The following KAZN variants were observed in gnomAD, a reference collection of about 807,000 sequenced individuals.
KAZN encodes kazrin, periplakin interacting protein, also known as kazrin.
A neutral mutation model predicts 87.4 loss-of-function variants in KAZN; 40 were observed. The ratio of observed to expected loss-of-function variants is 0.46; its 90% CI spans 0.36 to 0.60. KAZN has a LOEUF of 0.60. Among genes scored for constraint, KAZN ranks in the 20% least tolerant of loss-of-function variants. The pLI, the probability that KAZN is intolerant of heterozygous loss-of-function variation, is 0.00. For synonymous variants in KAZN, 466 were observed against 458.3 expected (o/e 1.02, Z -0.22); for missense variants, 898 against 1,073.9 (o/e 0.84, Z 2.29).
chr1:14,633,251 T>C (rs1406172535), intron 1 of KAZN, among the ~76,000 whole-genome samples: 1 of 152,162 alleles, frequency 6.6e-6, no homozygotes, highest in African/African-American at 2.4e-5. Flanking sequence ...CTTCTGGTTA[T>C]TAGATACTGG....
intron 12 of KAZN, among the ~76,000 whole-genome samples, chr1:15,103,742 G>A (rs113645962): frequency 1.3e-5 from 2 of 152,146 alleles, no homozygotes; most frequent in Non-Finnish European, 2.9e-5. Context: ...GGGGTAGAGA[G>A]GCTGAGCCAG....
intron 1 of KAZN, among the ~76,000 whole-genome samples, chr1:14,657,219 G>A (rs897509357): frequency 6.6e-6 from 1 of 151,990 alleles, no homozygotes; most frequent in Non-Finnish European, 1.5e-5. Context: ...GAGTAGCTGG[G>A]ATTACAGACA....
At chr1:14,943,446 C>G (rs1661382843) in intron 1 of KAZN, among the ~76,000 whole-genome samples, 1 of 152,192 alleles carries the variant, frequency 6.6e-6, no homozygotes, top group Non-Finnish European at 1.5e-5. Context: ...CCAGAAGTCT[C>G]TGGGGACCCA....
At chr1:14,782,087 A>C (rs72636664) in intron 1 of KAZN, among the ~76,000 whole-genome samples, 11,273 of 152,212 alleles carry the variant, frequency 0.074, 521 homozygotes, top group African/African-American at 0.12. Context: ...TCTGGCACAT[A>C]TAAAGAATGC....
At chr1:14,467,296 A>C (rs1668211592) in intron 2 of KAZN, among the ~76,000 whole-genome samples, 1 of 151,762 alleles carries the variant, frequency 6.6e-6, no homozygotes, top group African/African-American at 2.4e-5. Flanking sequence ...TGCAATCCCC[A>C]GGGCAACCAC....
At chr1:15,080,808 G>A (rs1016315644) in intron 8 of KAZN, among the ~76,000 whole-genome samples, 8 of 152,196 alleles carry the variant, frequency 5.3e-5, no homozygotes, top group African/African-American at 1.4e-4. Context: ...CAGAGGCCCC[G>A]GGGTAGAAGG....
intron 1 of KAZN, among the ~76,000 whole-genome samples, chr1:14,701,879 C>T (rs778030532): frequency 6.6e-6 from 1 of 152,206 alleles, no homozygotes; most frequent in Non-Finnish European, 1.5e-5. Flanking sequence ...TCCTTACGCA[C>T]TTCCCCTCCA....
chr1:14,871,020 C>A (rs1572695289), intron 1 of KAZN, among the ~76,000 whole-genome samples: 1 of 152,244 alleles, frequency 6.6e-6, no homozygotes, highest in East Asian at 1.9e-4. Context: ...CCTCCATGGT[C>A]TCAGCTCACC....
At chr1:15,046,349 G>A (rs1248724023) in intron 4 of KAZN, among the ~76,000 whole-genome samples, 1 of 151,360 alleles carries the variant, frequency 6.6e-6, no homozygotes, top group Non-Finnish European at 1.5e-5. Flanking sequence ...TATTAATTAA[G>A]TGGAAGAAGA....
intron 3 of KAZN, among the ~76,000 whole-genome samples, chr1:15,040,183 G>C (rs1672746796): frequency 6.6e-6 from 1 of 152,210 alleles, no homozygotes; most frequent in South Asian, 2.1e-4. Flanking sequence ...ACAAGTCCTG[G>C]TTTTATTTCA....
At chr1:14,969,040 C>T (rs376647536) in intron 2 of KAZN, among the ~76,000 whole-genome samples, 28 of 152,288 alleles carry the variant, frequency 1.8e-4, no homozygotes, top group East Asian at 1.7e-3. Context: ...TTAAGTCCAG[C>T]GGGGTCGGTG....
chr1:13,958,134 A>G (rs1570386658), intron 1 of KAZN, among the ~76,000 whole-genome samples: 2 of 152,246 alleles, frequency 1.3e-5, no homozygotes, highest in African/African-American at 4.8e-5. Context: ...AACAGGGAAC[A>G]CCAAAACCAT....
intron 1 of KAZN, among the ~76,000 whole-genome samples, chr1:14,698,932 G>T (rs1257999402): frequency 6.6e-6 from 1 of 152,240 alleles, no homozygotes; most frequent in African/African-American, 2.4e-5. Context: ...GCTCCTGGGA[G>T]AGCTATCTTC....
chr1:14,949,908 G>A lies in KAZN; in HGVS notation c.227-10776G>A, dbSNP rs1206632067. On this transcript the variant is annotated intron_variant, in intron 1 of 14. Transcript: ENST00000376030. This position sits in a 1 kb window ranked among gnomAD's most constrained non-coding sequence, Gnocchi z 4.3. Reference sequence around the variant, plus strand: ...GCAGCAAGATGGTAGAAGAGGATCCGCTTGGCACTCAGGGCACCGAGGAGG... The same window carrying A: ...GCAGCAAGATGGTAGAAGAGGATCCACTTGGCACTCAGGGCACCGAGGAGG... 1.3e-5 allele frequency among the ~76,000 whole-genome samples: 2 copies of A among 152,068 alleles called. No homozygotes were observed. The highest frequency in any genetic ancestry group is 2.4e-5 in the African/African-American group (1 of 41,390).
chr1:14,896,300 G>T (rs1655270484), intron 1 of KAZN, among the ~76,000 whole-genome samples: 1 of 152,148 alleles, frequency 6.6e-6, no homozygotes. Context: ...TGATCCGCCT[G>T]CCTCGGCCTC....
chr1:14,013,166 T>G (rs1640398131), intron 1 of KAZN, among the ~76,000 whole-genome samples: 2 of 152,240 alleles, frequency 1.3e-5, no homozygotes, highest in South Asian at 2.1e-4. Flanking sequence ...GATGTGGTTT[T>G]CAGACTCCTC....
intron 4 of KAZN, among the ~76,000 whole-genome samples, chr1:15,048,902 G>A (rs1422534362): frequency 1.3e-5 from 2 of 150,550 alleles, no homozygotes; most frequent in Non-Finnish European, 2.9e-5. Context: ...TTGGTCCTGG[G>A]TCGTTGGTCA....
Position 14,735,540 on chromosome 1 carries a change from C to CAGAGAG in KAZN, c.226+136319_226+136324dup, listed in dbSNP as rs1643875637. ...TCAAAGCCTCGCTGGTAGCCAGGCT[C>CAGAGAG]AGAGAGAATGTGCTAAACCCCACAC... On this transcript the variant is annotated intron_variant, in intron 1 of 14. Transcript: ENST00000376030. This position sits in a 1 kb window ranked among gnomAD's most constrained non-coding sequence, Gnocchi z 4.3. Among the ~76,000 whole-genome samples, 1 of 152,138 alleles carries CAGAGAG rather than the reference C, an allele frequency of 6.6e-6. No homozygotes were observed. Among genetic ancestry groups the CAGAGAG allele is most frequent in the Admixed American group, 6.5e-5 (1 of 15,286 alleles).
At chr1:14,917,391 C>T (rs557966820) in intron 1 of KAZN, among the ~76,000 whole-genome samples, 1 of 152,152 alleles carries the variant, frequency 6.6e-6, no homozygotes, top group African/African-American at 2.4e-5. Context: ...AAAGGGCTTC[C>T]AAGTCACTTT....
Sources: allele counts gnomAD v4.1 joint callset (sites outside exome capture counted in the v4.1 genomes callset), GRCh38; gene constraint gnomAD v4.1.1; non-coding constraint Gnocchi (gnomAD v3.1); transcripts MANE v1.5; gene names NCBI Gene and HGNC (gene_info 2026-07-23, HGNC 2026-07-21).